Variants in STRBP observed in about 807,000 individuals in gnomAD.
STRBP encodes spermatid perinuclear RNA-binding protein.
Under a neutral mutation model 80.1 loss-of-function variants are expected in STRBP, and 13 were observed. The ratio of observed to expected loss-of-function variants is 0.16; its 90% confidence interval spans 0.11 to 0.26. The LOEUF (loss-of-function observed/expected upper bound fraction) is 0.26, where lower values mean the gene tolerates loss of function less well. Ranked by LOEUF, STRBP falls within the 10% of genes least tolerant of loss-of-function variation. STRBP has a pLI of 1.00. For missense variants in STRBP, 485 were observed against 815.2 expected, an observed-to-expected ratio of 0.59 and a Z score of 4.93; for synonymous variants, 284 against 291.2, an observed-to-expected ratio of 0.98 and a Z score of 0.25.
chr9:123,245,682 C>T (rs2040786680), intron 1 of STRBP, among the ~76,000 whole-genome samples: 1 of 152,178 alleles, frequency 6.6e-6, no homozygotes, highest in African/African-American at 2.4e-5. Context: ...CGTCCGGCCT[C>T]AAGCATCTGT....
intron 14 of STRBP, among the ~76,000 whole-genome samples, chr9:123,139,215 T>C (rs528999161): frequency 4.6e-5 from 7 of 152,330 alleles, no homozygotes; most frequent in South Asian, 2.1e-4. Context: ...TTCTGAAATA[T>C]TGGAAGCAGC....
At position 123,110,726 on chromosome 9, in the gene STRBP, G is replaced by A. The variant is rs1466286382; in HGVS notation, c.*85-973C>T. ...AGAGCCAGAGCTACCCTTGGTTCCT[G>A]GGAGATGGAGAGAGCGAGGCCCTCT... On this transcript the variant is annotated intron_variant and NMD_transcript_variant, in intron 3 of 3. Coordinates refer to the STRBP transcript ENST00000471564. The surrounding 1 kb of genome is among the most constrained non-coding windows in gnomAD (Gnocchi z 4.1). 1 of 169,176 alleles carries A rather than the reference G, an allele frequency of 5.9e-6. No homozygotes were observed. The highest frequency in any genetic ancestry group is 1.5e-5 in the Non-Finnish European group (1 of 68,168). 10.5% of individuals were successfully genotyped at this position (169,176 alleles called of 1,614,324 possible).
chr9:123,186,884 T>A (rs1002374042), intron 2 of STRBP, among the ~76,000 whole-genome samples: 8 of 151,660 alleles, frequency 5.3e-5, no homozygotes, highest in Non-Finnish European at 7.4e-5. Flanking sequence ...AAAATTTTTT[T>A]AAAAACTAAC....
intron 2 of STRBP, among the ~76,000 whole-genome samples, chr9:123,194,200 T>C (rs949650205): frequency 3.9e-5 from 6 of 152,206 alleles, no homozygotes; most frequent in African/African-American, 1.4e-4. Flanking sequence ...TCTTACCTCT[T>C]CATATTCAAC....
At chr9:123,180,869 T>G in intron 3 of STRBP, 3 of 949,960 alleles carry the variant, frequency 3.2e-6, no homozygotes, top group Non-Finnish European at 3.8e-6. Context: ...TTTACTTACA[T>G]GAAATTATAT....
chr9:123,194,785 C>A (rs2039038067), intron 2 of STRBP, among the ~76,000 whole-genome samples: 1 of 152,094 alleles, frequency 6.6e-6, no homozygotes, highest in Non-Finnish European at 1.5e-5. Context: ...TGACTGTTCC[C>A]TACACTTTAC....
At chr9:123,160,261 C>T (rs1353768925) in intron 8 of STRBP, 106 bp downstream of exon 8, 14 of 640,422 alleles carry the variant, frequency 2.2e-5, no homozygotes, top group Non-Finnish European at 7.4e-6. Flanking sequence ...ATAATGCATG[C>T]CTTAGCTAAC....
chr9:123,188,383 GT>G (rs1234344138), intron 2 of STRBP, among the ~76,000 whole-genome samples: 1 of 152,128 alleles, frequency 6.6e-6, no homozygotes, highest in African/African-American at 2.4e-5. Flanking sequence ...GCTCACGTCT[GT>G]TAATCCCAGC....
At chr9:123,167,516 A>T (rs1038097602) in intron 6 of STRBP, among the ~76,000 whole-genome samples, 1 of 152,064 alleles carries the variant, frequency 6.6e-6, no homozygotes, top group African/African-American at 2.4e-5. Context: ...GAATACACAA[A>T]CCAGTAACAA....
At position 123,158,023 on chromosome 9, in the gene STRBP, G is replaced by A. The variant is rs1283621100; in HGVS notation, c.1034C>T (p.Thr345Ile). 12 of 1,610,288 alleles carry A rather than the reference G, an allele frequency of 7.5e-6. No individual in the cohort carries two copies. The highest frequency in any genetic ancestry group is 1.7e-5 in the Admixed American group (1 of 59,620). Residue 345 changes from threonine to isoleucine, a missense_variant, in exon 11 of 19, where the codon ACT (threonine) becomes ATT (isoleucine). Transcript: ENST00000348403. ...ACTTCCATGCTCACCTTCTTTATCA[G>A]TAACTGACCAGGAATACTTCTGAAA... is the stretch of plus-strand genomic sequence containing the variant. The part of the protein sequence containing the change: ...KPFQKYSWSV[T>I]DKEGAGSSAL...
At chr9:123,171,862 G>C (rs1048199390) in intron 5 of STRBP, among the ~76,000 whole-genome samples, 4 of 152,064 alleles carry the variant, frequency 2.6e-5, no homozygotes, top group Non-Finnish European at 5.9e-5. Flanking sequence ...CCTAAAATTT[G>C]AGATGGTTTG....
At chr9:123,215,012 G>A (rs1014333745) in intron 2 of STRBP, among the ~76,000 whole-genome samples, 3 of 151,926 alleles carry the variant, frequency 2.0e-5, no homozygotes, top group Admixed American at 1.3e-4. Context: ...TATGGTCTTA[G>A]GCAAGCATGT....
In STRBP at chr9:123,124,635, C is replaced by T. The variant is rs940688600; in HGVS notation, c.*962G>A. On this transcript the variant is annotated 3_prime_UTR_variant, in exon 19 of 19. Coordinates refer to ENST00000348403, the MANE Select transcript of STRBP (RefSeq NM_018387.5). ...GAATCCCAGCAAAATCACTAATCTT[C>T]TATCTGCATGAAAAAAGCCAGGGAG... is the stretch of plus-strand genomic sequence containing the variant. 3.0e-6 allele frequency: 3 copies of T among 985,300 alleles called. No homozygotes were observed. In the African/African-American group the frequency reaches 5.2e-5, roughly 17 times the overall value. The allele number at this position is 985,300 out of a possible 1,614,324, so 61.0% of individuals were successfully genotyped here.
rs1435268286 is a variant in STRBP, at chr9:123,158,953, C to T, written c.835+143G>A. 22 of 605,920 alleles carry T rather than the reference C, an allele frequency of 3.6e-5. 1 individual carries two copies. The highest frequency in any genetic ancestry group is 1.9e-4 in the South Asian group (8 of 41,868). The allele number at this position is 605,920 out of a possible 1,614,324, so 37.5% of individuals were successfully genotyped here. A position where few individuals can be genotyped will look rare whatever the true frequency, so the allele number is the denominator to read the frequency against. On this transcript the variant is annotated intron_variant, in intron 9 of 18. Transcript: ENST00000348403. ...AGAGTTTTATAGCACTTTTCCAACACGCATTCTAGTTGTCAAAATTCCAAG... is the reference window on the plus strand; with the variant it reads ...AGAGTTTTATAGCACTTTTCCAACATGCATTCTAGTTGTCAAAATTCCAAG...
At chr9:123,178,277 A>G (rs2038309368) in intron 4 of STRBP, among the ~76,000 whole-genome samples, 1 of 152,234 alleles carries the variant, frequency 6.6e-6, no homozygotes, top group Non-Finnish European at 1.5e-5. Flanking sequence ...TTTTATTCAT[A>G]GAGTATAGTC....
chr9:123,198,977 ACT>A (rs1242098988), intron 2 of STRBP, among the ~76,000 whole-genome samples: 8 of 151,876 alleles, frequency 5.3e-5, no homozygotes, highest in Admixed American at 5.2e-4. Flanking sequence ...ATGGAGTCTG[ACT>A]CTGTCGCCAG....
chr9:123,246,174 TAAC>T (rs1412338291), intron 1 of STRBP, among the ~76,000 whole-genome samples: 1 of 152,216 alleles, frequency 6.6e-6, no homozygotes, highest in Non-Finnish European at 1.5e-5. Flanking sequence ...TTCACAAATT[TAAC>T]TACCCACAGA....
At position 123,110,732 on chromosome 9, in the gene STRBP, T is replaced by G. The variant is rs531915491; in HGVS notation, c.*85-979A>C. The stretch of plus-strand genomic sequence containing the variant: ...AGAGCTACCCTTGGTTCCTGGGAGA[T>G]GGAGAGAGCGAGGCCCTCTGGTCGG... On this transcript the variant is annotated intron_variant and NMD_transcript_variant, in intron 3 of 3. Coordinates refer to the STRBP transcript ENST00000471564. The surrounding 1 kb of genome is among the most constrained non-coding windows in gnomAD (Gnocchi z 4.1). 2.4e-5 allele frequency: 4 copies of G among 169,234 alleles called. No individual in the cohort carries two copies. The East Asian group carries it at 7.7e-4, about 33-fold the overall frequency. The allele number at this position is 169,234 out of a possible 1,614,324, so 10.5% of individuals were successfully genotyped here. A position where few individuals can be genotyped will look rare whatever the true frequency, so the allele number is the denominator to read the frequency against.
intron 9 of STRBP, 66 bp downstream of exon 9, chr9:123,159,030 T>A: frequency 7.6e-7 from 1 of 1,320,434 alleles, no homozygotes; most frequent in Non-Finnish European, 1.1e-6. Flanking sequence ...ACTTAGCATA[T>A]ATTTAGAAAA....
Sources: gnomAD v4.1 joint callset for allele counts (sites outside exome capture counted in the v4.1 genomes callset) on GRCh38, gnomAD v4.1.1 for gene constraint, Gnocchi (gnomAD v3.1) non-coding constraint, MANE v1.5 for transcripts, NCBI Gene and HGNC (gene_info 2026-07-23, HGNC 2026-07-21) for gene names.